The following U2SURP variants were observed in gnomAD, a reference collection of about 807,000 sequenced individuals.
U2SURP encodes U2 snRNP-associated SURP motif-containing protein.
U2SURP carries 9 observed loss-of-function variants against 144.9 expected under a neutral mutation model. The ratio of observed to expected loss-of-function variants is 0.06; its 90% CI spans 0.04 to 0.11. U2SURP has a LOEUF of 0.11. U2SURP is among the 10% of genes least tolerant of loss of function. U2SURP has a pLI of 1.00. For synonymous variants in U2SURP, 408 were observed against 396.8 expected (o/e 1.03, Z -0.33); for missense variants, 724 against 1,226.7 (o/e 0.59, Z 6.12).
chr3:143,055,200 G>A, intron 27 of U2SURP, 81 bp downstream of exon 27: 1 of 1,320,410 alleles, frequency 7.6e-7, no homozygotes, highest in Non-Finnish European at 1.0e-6. Context: ...AATTTGGTTG[G>A]CATACATTTT....
At chr3:143,025,073 C>A (rs1276260218) in intron 13 of U2SURP, among the ~76,000 whole-genome samples, 2 of 152,036 alleles carry the variant, frequency 1.3e-5, no homozygotes, top group South Asian at 4.1e-4. Context: ...CTTTAGTAAT[C>A]TTGACATCAA....
At chr3:143,023,950 T>C in intron 12 of U2SURP, 25 bp from the exon 13 acceptor site, 3 of 1,609,468 alleles carry the variant, frequency 1.9e-6, no homozygotes, top group Non-Finnish European at 2.6e-6. Context: ...TCTATGTTTA[T>C]TATCTGATGT....
chr3:143,007,477 G>A (rs988801236), intron 1 of U2SURP, among the ~76,000 whole-genome samples: 64 of 133,986 alleles, frequency 4.8e-4, no homozygotes, highest in African/African-American at 1.8e-3. Flanking sequence ...ACAGAGTCTC[G>A]CTCTGTCGCC....
At chr3:143,006,508 C>T (rs1220559539) in intron 1 of U2SURP, among the ~76,000 whole-genome samples, 1 of 152,170 alleles carries the variant, frequency 6.6e-6, no homozygotes, top group Non-Finnish European at 1.5e-5. Context: ...GTAATCCCAG[C>T]ACTTTGGGAG....
chr3:143,038,045 T>C (rs1933904764), intron 21 of U2SURP, 63 bp from the exon 22 acceptor site: 2 of 1,183,478 alleles, frequency 1.7e-6, no homozygotes. Flanking sequence ...TGAATACCCA[T>C]GAATGTAATA....
intron 13 of U2SURP, chr3:143,026,178 T>C (rs1933135022): frequency 6.6e-6 from 1 of 152,252 alleles, no homozygotes; most frequent in East Asian, 1.9e-4. Flanking sequence ...ATGTCCAAAA[T>C]TGTGTTTGGA....
At position 143,020,582 on chromosome 3, in the gene U2SURP, G is replaced by A; in HGVS notation, c.639-17G>A. 1 of 1,593,688 alleles carries A rather than the reference G, an allele frequency of 6.3e-7. No individual in the cohort carries two copies. The highest frequency in any genetic ancestry group is 8.6e-7 in the Non-Finnish European group (1 of 1,166,728). On this transcript the variant is annotated splice_polypyrimidine_tract_variant and intron_variant, in intron 7 of 27. Coordinates refer to ENST00000473835, the MANE Select transcript of U2SURP (RefSeq NM_001080415.2). ...AAATTTTGGCTCATTATAAGTGATT[G>A]TAAATATTTTCAACAGAATTCAAGA... is the stretch of plus-strand genomic sequence containing the variant.
chr3:143,042,736 C>T (rs1009351570), intron 23 of U2SURP, among the ~76,000 whole-genome samples: 1 of 152,072 alleles, frequency 6.6e-6, no homozygotes, highest in East Asian at 1.9e-4. Context: ...TGAAATAACT[C>T]AGGAATGGAG....
intron 13 of U2SURP, among the ~76,000 whole-genome samples, chr3:143,025,377 G>A (rs755906880): frequency 5.3e-5 from 8 of 152,222 alleles, no homozygotes; most frequent in Non-Finnish European, 1.2e-4. Context: ...TGAATCCTTT[G>A]TTTTTAAACT....
intron 16 of U2SURP, among the ~76,000 whole-genome samples, 184 bp from the exon 17 acceptor site, chr3:143,032,598 TTA>T (rs753444639): frequency 3.2e-4 from 48 of 152,212 alleles, no homozygotes; most frequent in Non-Finnish European, 5.4e-4. Context: ...CAGAGTATTC[TTA>T]TATAAATTCT....
intron 24 of U2SURP, among the ~76,000 whole-genome samples, chr3:143,050,130 A>G (rs772501203): frequency 6.6e-6 from 1 of 152,010 alleles, no homozygotes; most frequent in South Asian, 2.1e-4. Context: ...ATGGAGTACA[A>G]TGGTGCCATC....
At chr3:143,001,716 G>C (rs140095013) in intron 1 of U2SURP, 43 bp downstream of exon 1, 6 of 1,611,256 alleles carry the variant, frequency 3.7e-6, no homozygotes, top group Non-Finnish European at 5.1e-6. Flanking sequence ...ATCTACCACT[G>C]TCGTTTGGGG....
intron 6 of U2SURP, 148 bp downstream of exon 6, chr3:143,017,123 T>C (rs768493118): frequency 1.6e-6 from 1 of 612,316 alleles, no homozygotes; most frequent in Non-Finnish European, 2.6e-6. Flanking sequence ...AACCCAGTAA[T>C]TTACTTAGAT....
At position 143,032,776 on chromosome 3, in the gene U2SURP, A is replaced by C; in HGVS notation, c.1611-8A>C. ...AAATATTTATAAGTTAAAACAATTT[A>C]TGTTCAGACAGAGGGATAAATTGGA... On this transcript the variant is annotated splice_region_variant and splice_polypyrimidine_tract_variant and intron_variant, in intron 16 of 27. Transcript: ENST00000473835. The C allele has an allele frequency of 6.2e-7, 1 of 1,605,688 alleles. No homozygotes were observed. Among genetic ancestry groups the C allele is most frequent in the Non-Finnish European group, 8.5e-7 (1 of 1,176,822 alleles).
intron 26 of U2SURP, 37 bp from the exon 27 acceptor site, chr3:143,054,906 C>G (rs371009333): frequency 6.6e-7 from 1 of 1,525,504 alleles, no homozygotes; most frequent in African/African-American, 1.4e-5. Flanking sequence ...CGATCCTTTG[C>G]TCATTTATGG....
chr3:143,048,417 G>C (rs1303041665), intron 24 of U2SURP, among the ~76,000 whole-genome samples: 1 of 152,216 alleles, frequency 6.6e-6, no homozygotes, highest in African/African-American at 2.4e-5. Context: ...CTGTGGAAGA[G>C]TCATCTTGGT....
intron 8 of U2SURP, among the ~76,000 whole-genome samples, chr3:143,020,950 G>C (rs1936598667): frequency 6.6e-6 from 1 of 152,168 alleles, no homozygotes; most frequent in African/African-American, 2.4e-5. Flanking sequence ...CCAACACTTT[G>C]GGAGGCCGAG....
At chr3:143,016,150 A>T in intron 4 of U2SURP, 107 bp from the exon 5 acceptor site, 1 of 863,214 alleles carries the variant, frequency 1.2e-6, no homozygotes, top group Non-Finnish European at 1.9e-6. Context: ...GGACTGCTTA[A>T]CCTGGGAAGG....
intron 25 of U2SURP, among the ~76,000 whole-genome samples, chr3:143,051,381 AG>A (rs766310809): frequency 3.3e-5 from 5 of 152,164 alleles, no homozygotes; most frequent in Non-Finnish European, 7.4e-5. Context: ...GAGGTAGTAC[AG>A]AAAGAAAAAG....
Sources: allele counts gnomAD v4.1 joint callset (sites outside exome capture counted in the v4.1 genomes callset), GRCh38; gene constraint gnomAD v4.1.1; transcripts MANE v1.5; gene names NCBI Gene and HGNC (gene_info 2026-07-23, HGNC 2026-07-21).